The following ADCY5 variants were observed in gnomAD, a reference collection of about 807,000 sequenced individuals.
ADCY5 encodes adenylate cyclase 5, also known as adenylate cyclase type 5.
Under a neutral mutation model 119.7 loss-of-function variants are expected in ADCY5, and 30 were observed. The ratio of observed to expected loss-of-function variants is 0.25; its 90% confidence interval spans 0.19 to 0.34. ADCY5 has a LOEUF of 0.34. ADCY5 is among the 10% of genes least tolerant of loss of function. ADCY5 has a pLI of 1.00. For synonymous variants in ADCY5, 753 were observed against 762.2 expected, an observed-to-expected ratio of 0.99 and a Z score of 0.20; for missense variants, 1,324 against 1,775.2, an observed-to-expected ratio of 0.75 and a Z score of 4.57.
At chr3:123,312,157 C>G (rs761616221) in intron 12 of ADCY5, among the ~76,000 whole-genome samples, 13 of 152,266 alleles carry the variant, frequency 8.5e-5, no homozygotes, top group Admixed American at 1.3e-4. Context: ...TCAGGTTCAC[C>G]TAAGCCCCTA....
chr3:123,292,831 C>T (rs1939241404), intron 17 of ADCY5, among the ~76,000 whole-genome samples: 1 of 152,228 alleles, frequency 6.6e-6, no homozygotes, highest in South Asian at 2.1e-4. Flanking sequence ...CTGCTCCTAC[C>T]TCTGCTGAGA....
chr3:123,395,714 C>CAAAA (rs199742620), intron 1 of ADCY5, among the ~76,000 whole-genome samples: 1 of 146,096 alleles, frequency 6.8e-6, no homozygotes, highest in African/African-American at 2.5e-5. Context: ...CCCGTCTCTA[C>CAAAA]AAAAAAAAAA....
chr3:123,332,753 TTTTTC>T (rs1397962009), intron 3 of ADCY5, 78 bp from the exon 4 acceptor site: 5 of 995,114 alleles, frequency 5.0e-6, no homozygotes, highest in African/African-American at 1.6e-5. Flanking sequence ...TTACATCTTT[TTTTTC>T]TTTTCTTTTT....
chr3:123,328,505 C>A, intron 6 of ADCY5, 139 bp downstream of exon 6: 1 of 1,017,882 alleles, frequency 9.8e-7, no homozygotes, highest in Non-Finnish European at 1.5e-6. Context: ...CTGTGCTCAC[C>A]CCAGCGCCCC....
chr3:123,412,776 G>A (rs1319879284), intron 1 of ADCY5, among the ~76,000 whole-genome samples: 1 of 151,090 alleles, frequency 6.6e-6, no homozygotes, highest in Admixed American at 6.6e-5. Flanking sequence ...GAAACATCTG[G>A]ATCCTTCCTC....
intron 19 of ADCY5, among the ~76,000 whole-genome samples, chr3:123,287,348 C>T (rs543085348): frequency 1.3e-5 from 2 of 152,308 alleles, no homozygotes; most frequent in African/African-American, 4.8e-5. Context: ...CCCAAGGCAA[C>T]GCTGAGCATC....
chr3:123,297,375 A>G lies in ADCY5; in HGVS notation c.2908T>C (p.Phe970Leu). 6.2e-7 allele frequency: 1 copy of G among 1,613,978 alleles called. No individual in the cohort carries two copies. The highest frequency in any genetic ancestry group is 8.5e-7 in the Non-Finnish European group (1 of 1,179,948). Residue 970 changes from phenylalanine (F) to leucine (L), a missense_variant, in exon 16 of 21, where the codon TTC (phenylalanine) becomes CTC (leucine). By Grantham distance (22) the Phe-to-Leu change is conservative. This residue lies in a region of ADCY5 where 424 missense variants were observed against 546.8 expected (regional missense o/e 0.78). Transcript: ENST00000462833. Reference sequence around the variant, plus strand: ...CACCACTGGGAGGTCCCGTTGTTGAAGAAGTCTCTGTGAAGAGAGTTGGGG... The same window carrying G: ...CACCACTGGGAGGTCCCGTTGTTGAGGAAGTCTCTGTGAAGAGAGTTGGGG... ...LLVTANAIDF[F>L]NNGTSQCPEH...
In ADCY5 at chr3:123,324,026, G is replaced by T. The variant is rs902197350; in HGVS notation, c.2088+1296C>A. Among the ~76,000 whole-genome samples the T allele has an allele frequency of 2.6e-5, 4 of 152,082 alleles. No homozygotes were observed. The South Asian group carries it at 8.3e-4, about 31-fold the overall frequency. On this transcript the variant is annotated intron_variant, in intron 8 of 20. Coordinates refer to ENST00000462833, the MANE Select transcript of ADCY5 (RefSeq NM_183357.3). ...CTGGAGCCCTTAGTGGCACTGACCA[G>T]GTCTGTGGACATTCAAGTTTGGAGC... is the stretch of plus-strand genomic sequence containing the variant.
chr3:123,411,724 C>G (rs1945053544), intron 1 of ADCY5, among the ~76,000 whole-genome samples: 1 of 152,226 alleles, frequency 6.6e-6, no homozygotes, highest in African/African-American at 2.4e-5. Flanking sequence ...TCCTCACAGC[C>G]TGGTGACCAG....
intron 1 of ADCY5, among the ~76,000 whole-genome samples, chr3:123,447,116 T>C (rs1395969672): frequency 9.2e-5 from 14 of 152,118 alleles, no homozygotes; most frequent in Admixed American, 9.2e-4. Context: ...GAAACACTCC[T>C]TATAATTTTC....
At chr3:123,398,341 C>G (rs1231969725) in intron 1 of ADCY5, among the ~76,000 whole-genome samples, 1 of 152,190 alleles carries the variant, frequency 6.6e-6, no homozygotes, top group Non-Finnish European at 1.5e-5. Context: ...CGGTCACACA[C>G]AGCCATCACA....
At chr3:123,323,234 A>C (rs1158893055) in intron 8 of ADCY5, among the ~76,000 whole-genome samples, 1 of 151,804 alleles carries the variant, frequency 6.6e-6, no homozygotes, top group East Asian at 1.9e-4. Context: ...AACGCTGTGG[A>C]GGAGACTTCC....
chr3:123,380,300 C>T (rs979562905), intron 1 of ADCY5, among the ~76,000 whole-genome samples: 13 of 152,240 alleles, frequency 8.5e-5, no homozygotes, highest in Admixed American at 6.5e-4. Context: ...CCACCAGGCC[C>T]TCTGCCCTCA....
At chr3:123,317,222 C>G (rs1000337556) in intron 11 of ADCY5, among the ~76,000 whole-genome samples, 3 of 152,168 alleles carry the variant, frequency 2.0e-5, no homozygotes, top group Admixed American at 1.3e-4. Flanking sequence ...GTCGGAGACA[C>G]AGCCAGTCCT....
chr3:123,396,819 C>CAGGCAGGCGAGAGAGA, intron 1 of ADCY5, among the ~76,000 whole-genome samples: 1 of 62,370 alleles, frequency 1.6e-5, no homozygotes, highest in African/African-American at 5.8e-5. Context: ...GGCAGGCAGG[C>CAGGCAGGCGAGAGAGA]GAGAGAGAGA....
chr3:123,423,039 G>C (rs1412658060), intron 1 of ADCY5, among the ~76,000 whole-genome samples: 1 of 152,174 alleles, frequency 6.6e-6, no homozygotes, highest in East Asian at 1.9e-4. Flanking sequence ...GCAGTGAGAG[G>C]ACAGACCAGT....
intron 1 of ADCY5, among the ~76,000 whole-genome samples, chr3:123,358,455 A>G (rs1445051133): frequency 6.6e-6 from 1 of 152,150 alleles, no homozygotes; most frequent in Non-Finnish European, 1.5e-5. Context: ...AAATAAAAAT[A>G]AAACAAATAA....
intron 7 of ADCY5, among the ~76,000 whole-genome samples, chr3:123,327,137 T>C (rs1220328672): frequency 1.3e-5 from 2 of 152,060 alleles, no homozygotes; most frequent in Non-Finnish European, 2.9e-5. Context: ...TCAGCAAGTG[T>C]GGGCTGAGAC....
chr3:123,354,080 C>T (rs914476734), intron 1 of ADCY5, among the ~76,000 whole-genome samples: 9 of 152,190 alleles, frequency 5.9e-5, no homozygotes, highest in African/African-American at 9.7e-5. Flanking sequence ...CATATCCTTC[C>T]ACTCCAACCC....
Sources: allele counts gnomAD v4.1 joint callset (sites outside exome capture counted in the v4.1 genomes callset), GRCh38; gene constraint gnomAD v4.1.1; regional missense constraint gnomAD v4.1.1; transcripts MANE v1.5; gene names NCBI Gene and HGNC (gene_info 2026-07-23, HGNC 2026-07-21).